Variants in DIAPH2 observed in about 807,000 individuals in gnomAD.
DIAPH2 encodes the protein protein diaphanous homolog 2.
Under a neutral mutation model 92.7 loss-of-function variants are expected in DIAPH2, and 35 were observed. That is an observed-to-expected ratio of 0.38 (90% CI 0.29 to 0.50). The LOEUF is 0.50. Ranked by LOEUF, DIAPH2 falls within the 20% of genes least tolerant of loss-of-function variation. The pLI is 0.94. For synonymous variants in DIAPH2, 301 were observed against 280.4 expected (o/e 1.07, Z -0.73); for missense variants, 701 against 819.5 (o/e 0.86, Z 1.77).
intron 26 of DIAPH2, among the ~76,000 whole-genome samples, chrX:97,589,694 G>C (rs192222654): frequency 8.9e-6 from 1 of 112,135 alleles, no homozygotes; most frequent in African/African-American, 3.2e-5. Flanking sequence ...GTGAGGACTG[G>C]CTTTGTCCCA....
At position 97,047,542 on chromosome X, in the gene DIAPH2, C is replaced by CTTTTTTTTTTTTTTTTTTTTTTTTTT. The variant is rs5903064; in HGVS notation, c.2051-25397_2051-25372dup. ...AAAACAGCTTAAGGGATAAAATAGG[C>CTTTTTTTTTTTTTTTTTTTTTTTTTT]TTTTTTTTTTTTTTTTTTTTTTTTT... On this transcript the variant is annotated intron_variant, in intron 17 of 26. Coordinates refer to ENST00000324765, the MANE Select transcript of DIAPH2 (RefSeq NM_006729.5). 1.3e-4 allele frequency among the ~76,000 whole-genome samples: 4 copies of CTTTTTTTTTTTTTTTTTTTTTTTTTT among 30,109 alleles called. 1 individual carries two copies. The highest frequency in any genetic ancestry group is 6.3e-4 in the African/African-American group (4 of 6,383). 26.1% of individuals were successfully genotyped at this position (30,109 alleles called of 115,157 possible).
At chrX:96,728,092 A>G (rs1253911854) in intron 1 of DIAPH2, among the ~76,000 whole-genome samples, 4 of 110,927 alleles carry the variant, frequency 3.6e-5, no homozygotes, top group African/African-American at 1.3e-4. Context: ...AGTGAACAAT[A>G]TCATTTCAGA....
chrX:97,275,526 C>T (rs1380318690), intron 23 of DIAPH2, among the ~76,000 whole-genome samples: 1 of 101,712 alleles, frequency 9.8e-6, no homozygotes, highest in Non-Finnish European at 2.0e-5. Flanking sequence ...TCAGACGGGG[C>T]GGCTGCCGGG....
chrX:96,976,257 C>T (rs2065961168), intron 17 of DIAPH2, among the ~76,000 whole-genome samples: 1 of 106,876 alleles, frequency 9.4e-6, no homozygotes, highest in African/African-American at 3.4e-5. Flanking sequence ...CGCTGCACTC[C>T]AGCCTGGGCG....
At chrX:97,476,968 A>AAATATAT (rs2070611218) in intron 26 of DIAPH2, among the ~76,000 whole-genome samples, 1 of 33,603 alleles carries the variant, frequency 3.0e-5, no homozygotes. Context: ...AAAAAAAAAA[A>AAATATAT]ATATATATAT....
chrX:96,758,488 G>A (rs186540521), intron 4 of DIAPH2, among the ~76,000 whole-genome samples: 4 of 111,740 alleles, frequency 3.6e-5, no homozygotes, highest in African/African-American at 1.3e-4. Flanking sequence ...AGGATACAAA[G>A]CTCTGAGGTA....
rs1472908904 is a variant in DIAPH2 at position 97,479,684 on chromosome X, C to T, written c.3241+49939C>T. ...AGAATAGATGATCTTTGATCCCTTC[C>T]ATTGCAAGCATTCTATGCTGTGAAA... On this transcript the variant is annotated intron_variant, in intron 26 of 26. Coordinates refer to ENST00000324765, the MANE Select transcript of DIAPH2 (RefSeq NM_006729.5). 2.7e-5 allele frequency among the ~76,000 whole-genome samples: 3 copies of T among 111,767 alleles called. No homozygotes were observed. In the East Asian group the frequency reaches 8.4e-4, roughly 31 times the overall value.
At chrX:97,463,376 T>G (rs1388616467) in intron 26 of DIAPH2, among the ~76,000 whole-genome samples, 1 of 108,803 alleles carries the variant, frequency 9.2e-6, no homozygotes, top group South Asian at 4.2e-4. Flanking sequence ...TATTACCATT[T>G]TATTTATTTG....
chrX:96,840,523 C>T (rs2064928223), intron 4 of DIAPH2, among the ~76,000 whole-genome samples: 1 of 111,752 alleles, frequency 8.9e-6, no homozygotes. Flanking sequence ...TTCCAGGGTC[C>T]ATGTTCTGCA....
chrX:97,295,867 G>T (rs1381416303), intron 23 of DIAPH2, among the ~76,000 whole-genome samples: 1 of 109,224 alleles, frequency 9.2e-6, no homozygotes, highest in Non-Finnish European at 1.9e-5. Context: ...GAGTAGCTGG[G>T]ATTACAGGCG....
chrX:96,825,120 AT>A (rs72064770), intron 4 of DIAPH2, among the ~76,000 whole-genome samples: 10,581 of 89,244 alleles, frequency 0.12, 512 homozygotes, highest in East Asian at 0.35. Context: ...TAATTTTTGT[AT>A]TTTTTTTTTT....
intron 4 of DIAPH2, among the ~76,000 whole-genome samples, chrX:96,837,405 C>T (rs1416020029): frequency 2.8e-5 from 1 of 35,811 alleles, no homozygotes; most frequent in East Asian, 1.2e-3. Flanking sequence ...TCCTCCCTCC[C>T]TCTCTCTCTC....
At chrX:97,511,714 A>C (rs1184222074) in intron 26 of DIAPH2, among the ~76,000 whole-genome samples, 11 of 111,039 alleles carry the variant, frequency 9.9e-5, no homozygotes, top group African/African-American at 3.6e-4. Flanking sequence ...AGTTTTTAGC[A>C]TGAAAGGTTG....
At chrX:97,414,653 C>CA (rs56828730) in intron 25 of DIAPH2, among the ~76,000 whole-genome samples, 1,733 of 37,489 alleles carry the variant, frequency 0.046, 71 homozygotes, top group African/African-American at 0.13. Context: ...GACTCTGTCT[C>CA]AAAAAAAAAA....
At chrX:97,396,522 A>C (rs1330740559) in intron 25 of DIAPH2, among the ~76,000 whole-genome samples, 2 of 110,900 alleles carry the variant, frequency 1.8e-5, no homozygotes, top group East Asian at 5.7e-4. Flanking sequence ...AACTACAAAA[A>C]TTAGCTGGGT....
intron 17 of DIAPH2, among the ~76,000 whole-genome samples, chrX:96,972,866 T>C (rs1196034001): frequency 9.0e-6 from 1 of 111,699 alleles, no homozygotes; most frequent in Non-Finnish European, 1.9e-5. Context: ...CAGAATTCAT[T>C]TGAGCAAGGA....
At chrX:97,052,117 A>G (rs938176477) in intron 17 of DIAPH2, among the ~76,000 whole-genome samples, 6 of 111,371 alleles carry the variant, frequency 5.4e-5, no homozygotes, top group African/African-American at 1.6e-4. Flanking sequence ...ACCAAACATG[A>G]AAGTCCTAAA....
rs772594254 is a variant in DIAPH2, at chrX:97,129,131, CT to C, written c.2590-12530del. ...CTTTTCTTTTCTTTTCTTTTCTTTT[CT>C]TTTCTTTTCTTTTCTTTCTTTTCTT... On this transcript the variant is annotated intron_variant, in intron 21 of 26. Coordinates refer to ENST00000324765, the MANE Select transcript of DIAPH2 (RefSeq NM_006729.5). Among the ~76,000 whole-genome samples, 222 of 88,850 alleles carry C rather than the reference CT, an allele frequency of 2.5e-3. 3 individuals carry two copies. The highest frequency in any genetic ancestry group is 0.013 in the East Asian group (38 of 3,001). 77.2% of individuals were successfully genotyped at this position (88,850 alleles called of 115,157 possible).
chrX:97,121,540 G>T (rs915187888), intron 21 of DIAPH2, among the ~76,000 whole-genome samples: 1 of 112,092 alleles, frequency 8.9e-6, no homozygotes, highest in African/African-American at 3.2e-5. Context: ...TTAAATAGAG[G>T]ATTTGTTATT....
Sources: allele counts gnomAD v4.1 joint callset (sites outside exome capture counted in the v4.1 genomes callset), GRCh38; gene constraint gnomAD v4.1.1; transcripts MANE v1.5; gene names NCBI Gene and HGNC (gene_info 2026-07-23, HGNC 2026-07-21).